TTC12: variants seen among roughly 807,000 people sequenced by gnomAD.
The protein encoded by TTC12 is tetratricopeptide repeat protein 12.
In TTC12, 70 loss-of-function variants were observed where a neutral mutation model predicts 90.1. The observed-to-expected ratio is 0.78, with a 90% CI of 0.64 to 0.95. The LOEUF (loss-of-function observed/expected upper bound fraction) is 0.95, where lower values mean the gene tolerates loss of function less well. Among genes scored for constraint, TTC12 ranks in the 40% least tolerant of loss-of-function variants. The pLI is 0.00. For synonymous variants in TTC12, 296 were observed against 311.5 expected, an observed-to-expected ratio of 0.95 and a Z score of 0.53; for missense variants, 819 against 846.1, an observed-to-expected ratio of 0.97 and a Z score of 0.40.
chr11:113,367,050 T>A (rs1297593835), downstream of TTC12, among the ~76,000 whole-genome samples: 2 of 152,206 alleles, frequency 1.3e-5, no homozygotes, highest in African/African-American at 4.8e-5. Flanking sequence ...CCTTGTACTC[T>A]CACCCCATCC....
At chr11:113,324,517 T>TC in intron 4 of TTC12, 88 bp from the exon 5 acceptor site, 1 of 1,091,334 alleles carries the variant, frequency 9.2e-7, no homozygotes, top group Non-Finnish European at 1.4e-6. Flanking sequence ...TACGTGTGGC[T>TC]CTAAAGTAAC....
rs1555140838 is a variant in TTC12 at position 113,325,654 on chromosome 11, G to C, written c.444+9G>C. ...ACACCAACCGAGCCCAGGTCAGTGAGGCAGGGATGTATCCATGGGGCTTTC... is the reference window on the plus strand; with the variant it reads ...ACACCAACCGAGCCCAGGTCAGTGACGCAGGGATGTATCCATGGGGCTTTC... On this transcript the variant is annotated intron_variant, in intron 6 of 21. Transcript: ENST00000529221. 6.2e-7 allele frequency: 1 copy of C among 1,613,656 alleles called. No individual in the cohort carries two copies. The highest frequency in any genetic ancestry group is 1.7e-5 in the Admixed American group (1 of 59,984).
downstream of TTC12, among the ~76,000 whole-genome samples, chr11:113,370,379 C>T (rs1204023368): frequency 1.3e-5 from 2 of 152,210 alleles, no homozygotes; most frequent in Non-Finnish European, 2.9e-5. Flanking sequence ...TCCCTGATGC[C>T]CTAGAAAGAG....
intron 2 of TTC12, among the ~76,000 whole-genome samples, chr11:113,319,710 C>T (rs1555137416): frequency 6.6e-6 from 1 of 151,274 alleles, no homozygotes; most frequent in African/African-American, 2.4e-5. Context: ...ACTTTCCCTA[C>T]CTGACATTCA....
At chr11:113,324,776 T>C (rs1458630705) in intron 5 of TTC12, 94 bp downstream of exon 5, 3 of 1,095,128 alleles carry the variant, frequency 2.7e-6, no homozygotes, top group East Asian at 5.0e-5. Context: ...GACATCTAGA[T>C]TCCCAGTGGT....
intron 16 of TTC12, 121 bp from the exon 17 acceptor site, chr11:113,359,242 G>C: frequency 3.1e-6 from 2 of 651,080 alleles, no homozygotes; most frequent in Non-Finnish European, 5.6e-6. Context: ...CATCATTTAG[G>C]TTCATGACAT....
At chr11:113,343,417 A>T (rs1325777298) in intron 12 of TTC12, among the ~76,000 whole-genome samples, 4 of 152,202 alleles carry the variant, frequency 2.6e-5, no homozygotes, top group Non-Finnish European at 4.4e-5. Flanking sequence ...GAAGTATAGG[A>T]TTGAGATGTA....
chr11:113,325,767 T>G, intron 6 of TTC12, 122 bp downstream of exon 6: 1 of 1,332,042 alleles, frequency 7.5e-7, no homozygotes, highest in Non-Finnish European at 1.0e-6. Flanking sequence ...GGCTCTTGTT[T>G]TAAGTGTGGG....
chr11:113,320,034 A>G (rs1947203166), intron 2 of TTC12, among the ~76,000 whole-genome samples: 1 of 152,220 alleles, frequency 6.6e-6, no homozygotes, highest in Admixed American at 6.5e-5. Context: ...ACACACTAAA[A>G]TTAAAAAGAA....
intron 12 of TTC12, among the ~76,000 whole-genome samples, chr11:113,342,291 A>G (rs1276413302): frequency 6.6e-6 from 1 of 151,894 alleles, no homozygotes; most frequent in Non-Finnish European, 1.5e-5. Flanking sequence ...GCATCCTGAG[A>G]TTTACAGTCA....
intron 6 of TTC12, among the ~76,000 whole-genome samples, chr11:113,326,935 T>C (rs920334118): frequency 2.0e-5 from 3 of 152,194 alleles, no homozygotes; most frequent in Admixed American, 6.5e-5. Flanking sequence ...TAAGTTTCTG[T>C]TGACAATTCA....
downstream of TTC12, chr11:113,368,447 G>A (rs1281420094): frequency 6.4e-7 from 1 of 1,550,562 alleles, no homozygotes; most frequent in African/African-American, 1.4e-5. Context: ...CACCCTTGGA[G>A]ACACGGCTTG....
Position 113,362,474 on chromosome 11 carries a change from T to C in TTC12, c.1688T>C (p.Val563Ala), listed in dbSNP as rs35303225. 6.8e-4 allele frequency: 1,102 copies of C among 1,613,408 alleles called. 4 individuals are homozygous for C. The African/African-American group carries it at 0.013, about 19-fold the overall frequency. ...KIVEEALRAG[V>A]VKKMMKFLKT... ...GTTGAGGAGGCCTTGCGAGCAGGAG[T>C]GGTAAAGAAAATGATGAAATTCCTG... Residue 563 changes from valine (V) to alanine (A), a missense_variant, in exon 19 of 22, where the codon GTG becomes GCG. Transcript: ENST00000529221.
chr11:113,350,254 C>A, intron 14 of TTC12, 89 bp downstream of exon 14: 1 of 1,035,972 alleles, frequency 9.7e-7, no homozygotes, highest in African/African-American at 1.6e-5. Flanking sequence ...TTCAGAGAGG[C>A]TAGGCCAAGT....
chr11:113,371,251 T>C (rs1378938026), downstream of TTC12, among the ~76,000 whole-genome samples: 1 of 152,262 alleles, frequency 6.6e-6, no homozygotes, highest in Non-Finnish European at 1.5e-5. Flanking sequence ...AAATGCATCA[T>C]ATTTGCATAT....
At chr11:113,331,104 A>T (rs957072197) in intron 7 of TTC12, among the ~76,000 whole-genome samples, 1 of 152,222 alleles carries the variant, frequency 6.6e-6, no homozygotes, top group South Asian at 2.1e-4. Flanking sequence ...AACACTAGGG[A>T]TCCTCTAACA....
At chr11:113,318,358 G>A (rs1047287694) in intron 2 of TTC12, among the ~76,000 whole-genome samples, 1 of 152,170 alleles carries the variant, frequency 6.6e-6, no homozygotes, top group Non-Finnish European at 1.5e-5. Context: ...TAGAGTTCTG[G>A]AGTTTAGAAA....
intron 20 of TTC12, 28 bp downstream of exon 20, chr11:113,363,955 C>T (rs748361538): frequency 6.5e-7 from 1 of 1,541,772 alleles, no homozygotes; most frequent in Non-Finnish European, 9.0e-7. Flanking sequence ...TAAGGGAGCC[C>T]TTGTCCCAGA....
intron 13 of TTC12, among the ~76,000 whole-genome samples, chr11:113,348,785 A>G (rs1949108200): frequency 6.6e-6 from 1 of 152,184 alleles, no homozygotes; most frequent in Non-Finnish European, 1.5e-5. Flanking sequence ...CACACATTGG[A>G]GAACAGGGGC....
Sources: gnomAD v4.1 joint callset for allele counts (sites outside exome capture counted in the v4.1 genomes callset) on GRCh38, gnomAD v4.1.1 for gene constraint, MANE v1.5 for transcripts, NCBI Gene and HGNC (gene_info 2026-07-23, HGNC 2026-07-21) for gene names.